Variants in CCDC171 observed in about 807,000 individuals in gnomAD.
CCDC171 encodes coiled-coil domain-containing protein 171.
In CCDC171, 177 loss-of-function variants were observed where a neutral mutation model predicts 168.2. That is an observed-to-expected ratio of 1.05 (90% confidence interval 0.93 to 1.19). CCDC171 has a LOEUF of 1.19. Ranked by LOEUF, CCDC171 falls within the 50% of genes most tolerant of loss-of-function variation. The probability of loss-of-function intolerance (pLI) is 0.00; values close to 1 mark genes in which losing one functional copy is unlikely to be tolerated. For missense variants in CCDC171, 1,991 were observed against 1,539.0 expected, an observed-to-expected ratio of 1.29 and a Z score of -4.91; for synonymous variants, 687 against 540.8, an observed-to-expected ratio of 1.27 and a Z score of -3.75.
chr9:15,974,138 C>T (rs1016361951), downstream of CCDC171: 1 of 152,004 alleles, frequency 6.6e-6, no homozygotes, highest in East Asian at 1.9e-4. Context: ...AAGCATGTCA[C>T]ATTTATAAGC....
rs1161286304 is a variant in CCDC171 at position 15,602,647 on chromosome 9, C to CTTTTTTTTTTTTTTTTTTTTT, written c.675+8481_675+8501dup. On this transcript the variant is annotated intron_variant, in intron 6 of 25. Transcript: ENST00000380701. ...TTTCTCATTTCTTTTTTTTTTTTTT[C>CTTTTTTTTTTTTTTTTTTTTT]TTTTTTTTTTTTTTTTTTTTTTTTT... Among the ~76,000 whole-genome samples, 253 of 30,352 alleles carry CTTTTTTTTTTTTTTTTTTTTT rather than the reference C, an allele frequency of 8.3e-3. 16 individuals carry two copies. Among genetic ancestry groups the CTTTTTTTTTTTTTTTTTTTTT allele is most frequent in the Middle Eastern group, 0.025 (1 of 40 alleles). 19.9% of individuals were successfully genotyped at this position (30,352 alleles called of 152,430 possible).
At chr9:15,778,342 A>T (rs1429520255) in intron 19 of CCDC171, among the ~76,000 whole-genome samples, 1 of 113,694 alleles carries the variant, frequency 8.8e-6, no homozygotes, top group South Asian at 3.0e-4. Flanking sequence ...AAAAAAAAAA[A>T]AAAAAAAAAT....
In CCDC171 at chr9:15,611,045, C is replaced by A. The variant is rs60452740; in HGVS notation, c.676-12222C>A. On this transcript the variant is annotated intron_variant, in intron 6 of 25. Transcript: ENST00000380701. ...AGATTTCTCATGAATGGTTTAGCAC[C>A]ATTCCTCTTGGTACTATCCTCATAG... is the stretch of plus-strand genomic sequence containing the variant. 1.3e-3 allele frequency among the ~76,000 whole-genome samples: 205 copies of A among 152,172 alleles called. 1 individual carries two copies. The highest frequency in any genetic ancestry group is 4.8e-3 in the African/African-American group (200 of 41,508).
chr9:16,013,774 T>G (rs939331658), intron 3 of CCDC171, among the ~76,000 whole-genome samples: 1 of 152,246 alleles, frequency 6.6e-6, no homozygotes, highest in Non-Finnish European at 1.5e-5. Flanking sequence ...TATACTGTAA[T>G]CTATTAAGTA....
intron 25 of CCDC171, among the ~76,000 whole-genome samples, chr9:15,952,304 A>C (rs959988039): frequency 7.2e-5 from 11 of 152,170 alleles, no homozygotes; most frequent in Non-Finnish European, 1.5e-4. Context: ...TTTTGAAATC[A>C]GGATGAATGA....
chr9:15,959,205 G>A (rs1830115878), intron 25 of CCDC171, among the ~76,000 whole-genome samples: 1 of 152,124 alleles, frequency 6.6e-6, no homozygotes, highest in Non-Finnish European at 1.5e-5. Flanking sequence ...TAGGGTCATT[G>A]TAAGGATGAC....
At chr9:15,566,125 T>C (rs2039706311) in intron 2 of CCDC171, among the ~76,000 whole-genome samples, 2 of 152,250 alleles carry the variant, frequency 1.3e-5, no homozygotes, top group Non-Finnish European at 2.9e-5. Flanking sequence ...CATCTTTGCA[T>C]GTGCTTTTTG....
chr9:15,586,926 G>C (rs186073992), intron 4 of CCDC171, among the ~76,000 whole-genome samples: 1 of 152,180 alleles, frequency 6.6e-6, no homozygotes, highest in East Asian at 1.9e-4. Flanking sequence ...TCCCACCTCA[G>C]CCTCCTGAGT....
chr9:15,890,562 T>A (rs757125357), intron 24 of CCDC171, among the ~76,000 whole-genome samples: 1 of 151,790 alleles, frequency 6.6e-6, no homozygotes, highest in African/African-American at 2.4e-5. Flanking sequence ...TGAAACTCTG[T>A]GATACTGCAA....
intron 10 of CCDC171, among the ~76,000 whole-genome samples, chr9:15,685,058 G>A (rs986192764): frequency 6.6e-5 from 10 of 152,140 alleles, no homozygotes; most frequent in African/African-American, 2.4e-4. Context: ...AAATAAGTGA[G>A]TCCCTTTATC....
At chr9:15,969,826 G>A (rs1831167984) in intron 25 of CCDC171, among the ~76,000 whole-genome samples, 1 of 152,102 alleles carries the variant, frequency 6.6e-6, no homozygotes, top group Admixed American at 6.5e-5. Context: ...TAATGACACT[G>A]CTAAAAAATG....
chr9:15,704,591 T>C (rs2052060250), intron 11 of CCDC171, among the ~76,000 whole-genome samples: 1 of 152,224 alleles, frequency 6.6e-6, no homozygotes, highest in Non-Finnish European at 1.5e-5. Flanking sequence ...CTTTTCAAAA[T>C]GAAATGAATG....
At chr9:15,997,014 A>C (rs1832395711) in intron 3 of CCDC171, among the ~76,000 whole-genome samples, 2 of 152,164 alleles carry the variant, frequency 1.3e-5, no homozygotes, top group South Asian at 4.1e-4. Flanking sequence ...AGTTTGGGTC[A>C]TTTGGGAAAG....
intron 11 of CCDC171, among the ~76,000 whole-genome samples, chr9:15,719,553 G>C (rs893186836): frequency 2.0e-5 from 3 of 152,040 alleles, no homozygotes; most frequent in Non-Finnish European, 2.9e-5. Flanking sequence ...TTAACCCAAA[G>C]AAGACTCCCT....
chr9:15,763,157 C>G (rs545032805), intron 18 of CCDC171, among the ~76,000 whole-genome samples: 2 of 152,290 alleles, frequency 1.3e-5, no homozygotes, highest in East Asian at 3.9e-4. Flanking sequence ...GGAAGAGACA[C>G]ATAGGGTGAA....
chr9:15,991,898 A>G (rs1184488186), intron 3 of CCDC171, among the ~76,000 whole-genome samples: 1 of 152,196 alleles, frequency 6.6e-6, no homozygotes, highest in African/African-American at 2.4e-5. Context: ...GAATCCCAAA[A>G]TAGACCGATA....
intron 24 of CCDC171, among the ~76,000 whole-genome samples, chr9:15,901,677 A>G (rs796577515): frequency 5.1e-4 from 77 of 152,310 alleles, no homozygotes; most frequent in African/African-American, 1.6e-3. Flanking sequence ...ATTCTTTACT[A>G]TAGTTTGGCA....
rs748438764 is a variant in CCDC171, at chr9:15,591,416, C to G, written c.403C>G (p.Gln135Glu). 12 of 1,608,594 alleles carry G rather than the reference C, an allele frequency of 7.5e-6. No individual in the cohort carries two copies. In the South Asian group the frequency reaches 1.3e-4, roughly 18 times the overall value. ...AKTNETEKAF[Q>E]TSQQKWKEEC... is the part of the protein sequence containing the mutation. ...GACAAATGAGACTGAGAAAGCATTTCAGACTTCTCAGCAAAAATGGAAAGA... is the reference window on the plus strand; with the variant it reads ...GACAAATGAGACTGAGAAAGCATTTGAGACTTCTCAGCAAAAATGGAAAGA... Residue 135 changes from glutamine (Q) to glutamate (E), a missense_variant, in exon 5 of 26, where the codon CAG (glutamine) becomes GAG (glutamate). By Grantham distance (29) the Gln-to-Glu change is conservative. Transcript: ENST00000380701.
At chr9:15,859,869 A>T (rs942139681) in intron 23 of CCDC171, among the ~76,000 whole-genome samples, 2 of 151,506 alleles carry the variant, frequency 1.3e-5, no homozygotes, top group South Asian at 2.1e-4. Context: ...GCATCTCACT[A>T]TGTTGCCCAG....
Sources: allele counts gnomAD v4.1 joint callset (sites outside exome capture counted in the v4.1 genomes callset), GRCh38; gene constraint gnomAD v4.1.1; transcripts MANE v1.5; gene names NCBI Gene and HGNC (gene_info 2026-07-23, HGNC 2026-07-21).